SLC24A2: variants seen among roughly 807,000 people sequenced by gnomAD.
SLC24A2 encodes sodium/potassium/calcium exchanger 2.
Under a neutral mutation model 62.0 loss-of-function variants are expected in SLC24A2, and 36 were observed. The ratio of observed to expected loss-of-function variants is 0.58; its 90% confidence interval spans 0.44 to 0.77. The LOEUF is 0.77. SLC24A2 is among the 30% of genes least tolerant of loss of function. SLC24A2 has a pLI of 0.00. For missense variants in SLC24A2, 846 were observed against 817.9 expected (o/e 1.03, Z -0.42); for synonymous variants, 358 against 294.0 (o/e 1.22, Z -2.23).
chr9:20,161,700 G>A, the SLC24A2 span, among the ~76,000 whole-genome samples: 1 of 150,484 alleles, frequency 6.6e-6, no homozygotes, highest in Non-Finnish European at 1.5e-5. Context: ...TAAGAATGAT[G>A]CATATTTCTT....
chr9:20,280,393 G>A, the SLC24A2 span, among the ~76,000 whole-genome samples: 5 of 152,164 alleles, frequency 3.3e-5, no homozygotes, highest in African/African-American at 4.8e-5. Context: ...CTGACTAGAG[G>A]CAATTCTCTG....
the SLC24A2 span, among the ~76,000 whole-genome samples, chr9:19,949,019 A>G: frequency 8.4e-4 from 128 of 151,886 alleles, 1 homozygote; most frequent in Middle Eastern, 0.01. Context: ...TTTGAGACGG[A>G]GTCTTACTCT....
the SLC24A2 span, among the ~76,000 whole-genome samples, chr9:20,173,820 T>A: frequency 2.0e-5 from 3 of 151,788 alleles, no homozygotes; most frequent in Non-Finnish European, 2.9e-5. Context: ...AAATACCACA[T>A]CATTCTTCAC....
chr9:20,149,458 G>GTCTTAGACATCTCTTAGACATC, the SLC24A2 span, among the ~76,000 whole-genome samples: 1 of 152,024 alleles, frequency 6.6e-6, no homozygotes, highest in African/African-American at 2.4e-5. Flanking sequence ...TTAGGGTCAT[G>GTCTTAGACATCTCTTAGACATC]TCTAAGATCA....
the SLC24A2 span, among the ~76,000 whole-genome samples, chr9:20,089,026 G>T: frequency 6.6e-6 from 1 of 152,138 alleles, no homozygotes; most frequent in African/African-American, 2.4e-5. Context: ...CACTGGGTGG[G>T]TCCCCCCAGC....
chr9:20,202,706 G>A, the SLC24A2 span, among the ~76,000 whole-genome samples: 4 of 152,164 alleles, frequency 2.6e-5, no homozygotes, highest in African/African-American at 9.7e-5. Context: ...AGGGGAGAAA[G>A]GCAAGTCGGA....
the SLC24A2 span, chr9:19,895,995 C>T: frequency 6.4e-7 from 1 of 1,574,514 alleles, no homozygotes; most frequent in Non-Finnish European, 8.7e-7. Context: ...CACAAGGTGC[C>T]TCAGTGTGAC....
At chr9:19,929,799 G>C in the SLC24A2 span, 2 of 152,282 alleles carry the variant, frequency 1.3e-5, no homozygotes, top group African/African-American at 4.8e-5. Context: ...AGAACTTCCA[G>C]TGGGACAGAT....
chr9:19,994,303 A>C, the SLC24A2 span, among the ~76,000 whole-genome samples: 1 of 151,878 alleles, frequency 6.6e-6, no homozygotes, highest in African/African-American at 2.4e-5. Context: ...AAAACAAAAC[A>C]AAAAAAACAA....
At chr9:20,081,892 C>G in the SLC24A2 span, among the ~76,000 whole-genome samples, 1 of 152,108 alleles carries the variant, frequency 6.6e-6, no homozygotes, top group Non-Finnish European at 1.5e-5. Context: ...TTTCCCTAAC[C>G]TAAGGGAAAA....
At chr9:20,041,097 G>A in the SLC24A2 span, among the ~76,000 whole-genome samples, 1 of 152,268 alleles carries the variant, frequency 6.6e-6, no homozygotes, top group African/African-American at 2.4e-5. Flanking sequence ...AGGTTAACCT[G>A]TGTGCTTGCA....
At chr9:19,959,606 T>C in the SLC24A2 span, among the ~76,000 whole-genome samples, 1 of 152,224 alleles carries the variant, frequency 6.6e-6, no homozygotes, top group African/African-American at 2.4e-5. Flanking sequence ...ATAAATGAAC[T>C]GAAAGAATGC....
At chr9:19,606,924 T>C (rs1157757740) in intron 4 of SLC24A2, among the ~76,000 whole-genome samples, 1 of 152,228 alleles carries the variant, frequency 6.6e-6, no homozygotes, top group African/African-American at 2.4e-5. Context: ...GTTTACAATA[T>C]GATCAGCATG....
At chr9:20,261,641 A>G in the SLC24A2 span, among the ~76,000 whole-genome samples, 1 of 151,856 alleles carries the variant, frequency 6.6e-6, no homozygotes, top group African/African-American at 2.4e-5. Context: ...CAGTACTATC[A>G]TAACTGTATT....
At chr9:20,234,430 T>C in the SLC24A2 span, among the ~76,000 whole-genome samples, 1 of 152,218 alleles carries the variant, frequency 6.6e-6, no homozygotes, top group Non-Finnish European at 1.5e-5. Context: ...TTGTTTCTTT[T>C]TATTCTTTTT....
chr9:19,750,316 T>C (rs1325585553), intron 2 of SLC24A2, among the ~76,000 whole-genome samples: 2 of 151,876 alleles, frequency 1.3e-5, no homozygotes, highest in African/African-American at 2.4e-5. Flanking sequence ...CCTACAGTTC[T>C]TAAACTCAAC....
the SLC24A2 span, among the ~76,000 whole-genome samples, chr9:20,087,317 A>C: frequency 1.3e-5 from 2 of 152,214 alleles, no homozygotes; most frequent in Non-Finnish European, 2.9e-5. Flanking sequence ...CAGCTAAAAC[A>C]AGAATGGAAT....
chr9:20,222,236 G>T, the SLC24A2 span, among the ~76,000 whole-genome samples: 1 of 151,674 alleles, frequency 6.6e-6, no homozygotes, highest in South Asian at 2.1e-4. Flanking sequence ...AAGGAGAAAA[G>T]AATGTAGAAA....
chr9:19,521,051 T>A lies in SLC24A2; in HGVS notation c.1579A>T (p.Thr527Ser). The part of the protein sequence containing the change: ...MVWWAHQVGE[T>S]IGISEEIMGL... ...ATAATCTCTTCACTGATGCCAATTGTCTCTCCAACCTAAATGTCAGGACAG... is the reference window on the plus strand; with the variant it reads ...ATAATCTCTTCACTGATGCCAATTGACTCTCCAACCTAAATGTCAGGACAG... Residue 527 changes from threonine (T) to serine (S), a missense_variant, in exon 10 of 11, where the codon ACA (threonine) becomes TCA (serine). Thr to Ser is a moderately conservative substitution (Grantham distance 58, BLOSUM62 1). Transcript: ENST00000341998. 1 of 1,614,046 alleles carries A rather than the reference T, an allele frequency of 6.2e-7. No individual in the cohort carries two copies. The highest frequency in any genetic ancestry group is 8.5e-7 in the Non-Finnish European group (1 of 1,179,936).
Sources: allele counts gnomAD v4.1 joint callset (sites outside exome capture counted in the v4.1 genomes callset), GRCh38; gene constraint gnomAD v4.1.1; transcripts MANE v1.5; gene names NCBI Gene and HGNC (gene_info 2026-07-23, HGNC 2026-07-21).